EPHA5: variants seen among roughly 807,000 people sequenced by gnomAD.
EPHA5 encodes EPH receptor A5, also known as ephrin type-A receptor 5.
EPHA5 carries 60 observed loss-of-function variants against 105.0 expected under a neutral mutation model. The observed-to-expected ratio is 0.57, with a 90% CI of 0.46 to 0.71. The LOEUF (loss-of-function observed/expected upper bound fraction) is 0.71, where lower values mean the gene tolerates loss of function less well. EPHA5 is among the 30% of genes least tolerant of loss of function. The pLI is 0.00. For missense variants in EPHA5, 1,218 were observed against 1,274.7 expected, an observed-to-expected ratio of 0.96 and a Z score of 0.68; for synonymous variants, 513 against 449.1, an observed-to-expected ratio of 1.14 and a Z score of -1.80.
chr4:65,567,461 G>A (rs1739669655), intron 3 of EPHA5, among the ~76,000 whole-genome samples: 2 of 151,524 alleles, frequency 1.3e-5, no homozygotes, highest in African/African-American at 4.8e-5. Context: ...GGCTTTGTGA[G>A]TATTCTACCT....
At chr4:65,596,544 A>G (rs1015093268) in intron 3 of EPHA5, among the ~76,000 whole-genome samples, 2 of 152,192 alleles carry the variant, frequency 1.3e-5, no homozygotes, top group African/African-American at 4.8e-5. Flanking sequence ...ATTTTATTAG[A>G]ACTAATCTAA....
intron 9 of EPHA5, among the ~76,000 whole-genome samples, chr4:65,366,752 T>C (rs1717946350): frequency 1.3e-5 from 2 of 151,932 alleles, no homozygotes; most frequent in South Asian, 2.1e-4. Context: ...AAAAAACAAA[T>C]ATATTTGTCA....
chr4:65,402,496 T>C (rs1303786850), intron 8 of EPHA5, among the ~76,000 whole-genome samples: 1 of 152,166 alleles, frequency 6.6e-6, no homozygotes, highest in African/African-American at 2.4e-5. Flanking sequence ...CTGTGCTAAG[T>C]CTACACCAAC....
chr4:65,561,416 G>A (rs1400183494), intron 3 of EPHA5, among the ~76,000 whole-genome samples: 1 of 151,970 alleles, frequency 6.6e-6, no homozygotes, highest in Non-Finnish European at 1.5e-5. Flanking sequence ...TTGTCCCTCT[G>A]TTCAGATCCA....
intron 15 of EPHA5, 115 bp from the exon 16 acceptor site, chr4:65,332,243 G>A (rs2148800278): frequency 1.2e-6 from 1 of 810,560 alleles, no homozygotes; most frequent in South Asian, 2.5e-5. Context: ...TATATTTATA[G>A]AGGAAAAATA....
chr4:65,596,290 C>A (rs1425729069), intron 3 of EPHA5, among the ~76,000 whole-genome samples: 1 of 152,086 alleles, frequency 6.6e-6, no homozygotes, highest in Non-Finnish European at 1.5e-5. Flanking sequence ...AATATCTAGA[C>A]ACATTTTTGA....
At chr4:65,500,595 T>C (rs2149239740) in intron 3 of EPHA5, among the ~76,000 whole-genome samples, 1 of 151,152 alleles carries the variant, frequency 6.6e-6, no homozygotes, top group Non-Finnish European at 1.5e-5. Flanking sequence ...CGCCATATTT[T>C]CAATTAAATT....
intron 8 of EPHA5, among the ~76,000 whole-genome samples, chr4:65,396,252 T>C (rs1721224481): frequency 6.6e-6 from 1 of 152,228 alleles, no homozygotes. Flanking sequence ...CCCTGCTACC[T>C]AGATATTGAT....
At chr4:65,628,216 T>A (rs952402231) in intron 2 of EPHA5, among the ~76,000 whole-genome samples, 4 of 152,110 alleles carry the variant, frequency 2.6e-5, no homozygotes, top group Admixed American at 2.6e-4. Context: ...ATGTCATAAA[T>A]CTTCCATCTG....
chr4:65,497,544 G>A (rs1395517987), intron 3 of EPHA5, among the ~76,000 whole-genome samples: 1 of 151,926 alleles, frequency 6.6e-6, no homozygotes, highest in African/African-American at 2.4e-5. Context: ...GCCATACTTA[G>A]CTAAGTTATT....
rs191602477 is a variant in EPHA5 at position 65,458,486 on chromosome 4, T to A, written c.1402+31891A>T. Among the ~76,000 whole-genome samples the A allele has an allele frequency of 1.4e-4, 21 of 152,270 alleles. No homozygotes were observed. The East Asian group carries it at 2.5e-3, about 18-fold the overall frequency. On this transcript the variant is annotated intron_variant, in intron 5 of 16. Transcript: ENST00000613740. ...AGCATGTCCAAATCCTACACACAATTGATGACCTTATTCAACTGTCTCCTT... is the reference window on the plus strand; with the variant it reads ...AGCATGTCCAAATCCTACACACAATAGATGACCTTATTCAACTGTCTCCTT...
At chr4:65,473,184 G>A (rs112100685) in intron 5 of EPHA5, among the ~76,000 whole-genome samples, 2 of 151,932 alleles carry the variant, frequency 1.3e-5, no homozygotes, top group East Asian at 1.9e-4. Flanking sequence ...TCAGCATTTT[G>A]GTCAAAAAAC....
At chr4:65,338,002 G>A (rs552513288) in intron 14 of EPHA5, among the ~76,000 whole-genome samples, 1 of 151,922 alleles carries the variant, frequency 6.6e-6, no homozygotes, top group African/African-American at 2.4e-5. Context: ...AACTCCAGGA[G>A]AAAATGTTTT....
intron 3 of EPHA5, among the ~76,000 whole-genome samples, chr4:65,512,065 A>G (rs1733677941): frequency 6.6e-6 from 1 of 152,182 alleles, no homozygotes; most frequent in Non-Finnish European, 1.5e-5. Context: ...GTGCTATAAG[A>G]GGTTTTTAAG....
chr4:65,578,327 T>C (rs1156762251), intron 3 of EPHA5, among the ~76,000 whole-genome samples: 6 of 152,082 alleles, frequency 3.9e-5, no homozygotes. Context: ...CTAAAAAAAA[T>C]GATGGTTATG....
rs568817733 is a variant in EPHA5, at chr4:65,496,757, G to C, written c.911-1214C>G. Among the ~76,000 whole-genome samples the C allele has an allele frequency of 5.3e-5, 8 of 152,238 alleles. No homozygotes were observed. The South Asian group carries it at 1.7e-3, about 32-fold the overall frequency. ...TGGGTACATACCCAGTAATGGGATG[G>C]CTTATGTCTTACTCAGTTTTGCACT... On this transcript the variant is annotated intron_variant, in intron 3 of 16. Coordinates refer to ENST00000613740, the MANE Select transcript of EPHA5 (RefSeq NM_001281766.3).
In EPHA5 at chr4:65,320,588, G is replaced by T. The variant is rs1719564231; in HGVS notation, c.*3526C>A. 1 of 229,572 alleles carries T rather than the reference G, an allele frequency of 4.4e-6. No individual in the cohort carries two copies. Among genetic ancestry groups the T allele is most frequent in the Non-Finnish European group, 8.6e-6 (1 of 115,702 alleles). 14.2% of individuals were successfully genotyped at this position (229,572 alleles called of 1,614,324 possible). Reference sequence around the variant, plus strand: ...TTATAGCCAAAAATGTCTTCAGAAGGTAAATATCTGTGCTTGTGCTTCTGA... The same window carrying T: ...TTATAGCCAAAAATGTCTTCAGAAGTTAAATATCTGTGCTTGTGCTTCTGA... On this transcript the variant is annotated 3_prime_UTR_variant, in exon 17 of 17. Coordinates refer to ENST00000613740, the MANE Select transcript of EPHA5 (RefSeq NM_001281766.3).
chr4:65,508,602 TG>T (rs1733299694), intron 3 of EPHA5, among the ~76,000 whole-genome samples: 1 of 152,090 alleles, frequency 6.6e-6, no homozygotes, highest in African/African-American at 2.4e-5. Flanking sequence ...AACCATTACA[TG>T]TAGTATAAAA....
At chr4:65,414,212 G>T in intron 7 of EPHA5, 72 bp downstream of exon 7, 1 of 1,331,634 alleles carries the variant, frequency 7.5e-7, no homozygotes, top group Non-Finnish European at 1.1e-6. Context: ...GCCCAGGGAG[G>T]GTATTGATCC....
Sources: allele counts gnomAD v4.1 joint callset (sites outside exome capture counted in the v4.1 genomes callset), GRCh38; gene constraint gnomAD v4.1.1; transcripts MANE v1.5; gene names NCBI Gene and HGNC (gene_info 2026-07-23, HGNC 2026-07-21).